The following SPTBN2 variants were observed in gnomAD, a reference collection of about 807,000 sequenced individuals.
SPTBN2 encodes spectrin beta, non-erythrocytic 2.
In SPTBN2, 107 loss-of-function variants were observed where a neutral mutation model predicts 284.2. That is an observed-to-expected ratio of 0.38 (90% CI 0.32 to 0.44). SPTBN2 has a LOEUF of 0.44. Among genes scored for constraint, SPTBN2 ranks in the 20% least tolerant of loss-of-function variants. The pLI is 1.00. For missense variants in SPTBN2, 2,569 were observed against 3,287.1 expected (o/e 0.78, Z 5.34); for synonymous variants, 1,289 against 1,354.8 (o/e 0.95, Z 1.07).
rs1941173413 is a variant in SPTBN2 at position 66,700,437 on chromosome 11, T to A, written c.3573+89A>T. The stretch of plus-strand genomic sequence containing the variant: ...ACTGCGCTGCCCCATTTTGCTAGCA[T>A]GTCCTTCCTGCCCATCCTGCTCCTT... On this transcript the variant is annotated intron_variant, in intron 17 of 37. Coordinates refer to ENST00000533211, the MANE Select transcript of SPTBN2 (RefSeq NM_006946.4). The surrounding 1 kb of genome is among the most constrained non-coding windows in gnomAD (Gnocchi z 6.6). The A allele has an allele frequency of 6.3e-7, 1 of 1,576,236 alleles. No homozygotes were observed. Among genetic ancestry groups the A allele is most frequent in the Non-Finnish European group, 8.6e-7 (1 of 1,162,390 alleles).
chr11:66,742,652 C>T (rs892862132), intron 1 of SPTBN2, among the ~76,000 whole-genome samples: 6 of 151,900 alleles, frequency 3.9e-5, no homozygotes, highest in Admixed American at 6.6e-5. Context: ...CTCTGTCAGC[C>T]GGGCTAGAGT....
Position 66,708,037 on chromosome 11 carries a change from G to A in SPTBN2, c.1350+104C>T, listed in dbSNP as rs552219690. On this transcript the variant is annotated intron_variant, in intron 12 of 37. Coordinates refer to ENST00000533211, the MANE Select transcript of SPTBN2 (RefSeq NM_006946.4). The surrounding 1 kb of genome is among the most constrained non-coding windows in gnomAD (Gnocchi z 4.4). ...CTCTAGGCCTTTTTACCCAGGTGAC[G>A]GATTTTGTGTTTCATTGTCTCTCCA... 42 of 1,569,538 alleles carry A rather than the reference G, an allele frequency of 2.7e-5. No individual in the cohort carries two copies. The highest frequency in any genetic ancestry group is 1.7e-4 in the Middle Eastern group (1 of 5,964).
At chr11:66,692,038 G>C (rs1293326660) in intron 26 of SPTBN2, among the ~76,000 whole-genome samples, 1 of 152,134 alleles carries the variant, frequency 6.6e-6, no homozygotes, top group Non-Finnish European at 1.5e-5. Context: ...GTTTGCCCTT[G>C]TCTCAGCTCA....
rs748397719 is a variant in SPTBN2 at position 66,711,053 on chromosome 11, C to T, written c.773-24G>A. The stretch of plus-strand genomic sequence containing the variant: ...GTCTGCAAGAGAGGACCATTTGGGT[C>T]AGGCCTCCCAGAAGTTCATCCATAA... On this transcript the variant is annotated intron_variant, in intron 8 of 37. Transcript: ENST00000533211. 7 of 1,598,080 alleles carry T rather than the reference C, an allele frequency of 4.4e-6. No homozygotes were observed. In the East Asian group the frequency reaches 1.6e-4, roughly 36 times the overall value.
Position 66,705,037 on chromosome 11 carries a change from C to A in SPTBN2, c.2239G>T (p.Ala747Ser), listed in dbSNP as rs745543088. The A allele has an allele frequency of 4.4e-6, 7 of 1,599,798 alleles. No homozygotes were observed. The East Asian group carries it at 1.3e-4, about 31-fold the overall frequency. Reference sequence around the variant, plus strand: ...TCGGCCTGGAACTGGTAGAGGCTGGCGGCTTGGGCCAGCCGCTGGGCACGC... The same window carrying A: ...TCGGCCTGGAACTGGTAGAGGCTGGAGGCTTGGGCCAGCCGCTGGGCACGC... ...EERAQRLAQA[A>S]SLYQFQADAN... is the part of the protein sequence containing the mutation. The change falls in exon 15 of 38, where the codon GCC becomes TCC. Residue 747 changes from alanine to serine, a missense_variant. Coordinates refer to ENST00000533211, the MANE Select transcript of SPTBN2 (RefSeq NM_006946.4).
intron 15 of SPTBN2, among the ~76,000 whole-genome samples, chr11:66,702,948 A>AC (rs1192262019): frequency 6.6e-6 from 1 of 151,200 alleles, no homozygotes; most frequent in African/African-American, 2.4e-5. Flanking sequence ...AAAAAAAAAA[A>AC]AAAAAAAAAA....
intron 1 of SPTBN2, among the ~76,000 whole-genome samples, chr11:66,726,923 G>C (rs1164157070): frequency 6.6e-6 from 1 of 152,168 alleles, no homozygotes; most frequent in Non-Finnish European, 1.5e-5. Context: ...ATGGGCCCAG[G>C]GCAGAAGGAA....
At chr11:66,735,313 A>C (rs192829276) in intron 1 of SPTBN2, among the ~76,000 whole-genome samples, 1 of 151,840 alleles carries the variant, frequency 6.6e-6, no homozygotes, top group East Asian at 1.9e-4. Context: ...ATCCTGGGTG[A>C]CAGAGCAAGA....
rs1038084337 is a variant in SPTBN2 at position 66,688,262 on chromosome 11, C to T, written c.6281G>A (p.Arg2094Gln). Reference sequence around the variant, plus strand: ...TTCGGGAGCAGGCGGCTGTTTCCGCCGCTCCTCCTCCTCCCTCTTTCTCTT... The same window carrying T: ...TTCGGGAGCAGGCGGCTGTTTCCGCTGCTCCTCCTCCTCCCTCTTTCTCTT... ...ERKRKREEEE[R>Q]RKQPPAPEPT... Residue 2094 changes from arginine to glutamine, a missense_variant, in exon 32 of 38, where the codon CGG (arginine) becomes CAG (glutamine). Physicochemically the swap from Arg to Gln is conservative, Grantham distance 43. This residue lies in a region of SPTBN2 where 1,130 missense variants were observed against 1,317.3 expected (regional missense o/e 0.86). Transcript: ENST00000533211. The T allele has an allele frequency of 9.3e-6, 15 of 1,612,622 alleles. No homozygotes were observed. Among genetic ancestry groups the T allele is most frequent in the African/African-American group, 1.3e-5 (1 of 74,914 alleles).
rs775098613 is a variant in SPTBN2 at position 66,691,453 on chromosome 11, G to A, written c.5396C>T (p.Ala1799Val). The part of the protein sequence containing the change: ...LLDTRGQVLA[A>V]AYELQRFLHG... Reference sequence around the variant, plus strand: ...CAGGAAGCGCTGCAGCTCGTACGCCGCGGCCAGCACCTGACCCCGTGTGTC... The same window carrying A: ...CAGGAAGCGCTGCAGCTCGTACGCCACGGCCAGCACCTGACCCCGTGTGTC... The change falls in exon 27 of 38, where the codon GCG becomes GTG. Residue 1799 changes from alanine to valine, a missense_variant. Physicochemically the swap from Ala to Val is moderately conservative, Grantham distance 64 (BLOSUM62 0). Around this residue, in one of 6 missense-constraint regions of SPTBN2, gnomAD observed 1,130 missense variants for 1,317.3 expected, o/e 0.86. Coordinates refer to ENST00000533211, the MANE Select transcript of SPTBN2 (RefSeq NM_006946.4). The surrounding 1 kb of genome is among the most constrained non-coding windows in gnomAD (Gnocchi z 8.0). 4.3e-6 allele frequency: 7 copies of A among 1,611,544 alleles called. No homozygotes were observed. Among genetic ancestry groups the A allele is most frequent in the Middle Eastern group, 1.6e-4 (1 of 6,084 alleles).
chr11:66,693,572 G>A lies in SPTBN2; in HGVS notation c.4594-126C>T. The stretch of plus-strand genomic sequence containing the variant: ...CCTCTGCTCCCTCTCCTAGCCTGGG[G>A]GTGCGATGGTAACACCCGTCAGCCG... On this transcript the variant is annotated intron_variant, in intron 23 of 37. Transcript: ENST00000533211. This position sits in a 1 kb window ranked among gnomAD's most constrained non-coding sequence, Gnocchi z 5.7. 1 of 1,475,478 alleles carries A rather than the reference G, an allele frequency of 6.8e-7. No individual in the cohort carries two copies. Among genetic ancestry groups the A allele is most frequent in the Non-Finnish European group, 9.1e-7 (1 of 1,094,536 alleles). 91.4% of individuals were successfully genotyped at this position (1,475,478 alleles called of 1,614,324 possible). A position where few individuals can be genotyped will look rare whatever the true frequency, so the allele number is the denominator to read the frequency against.
At position 66,685,949 on chromosome 11, in the gene SPTBN2, C is replaced by A; in HGVS notation, c.7095G>T (p.Gly2365=). 1.2e-6 allele frequency: 2 copies of A among 1,613,892 alleles called. No individual in the cohort carries two copies. The highest frequency in any genetic ancestry group is 1.7e-6 in the Non-Finnish European group (2 of 1,180,032). Residue 2365 remains glycine (G), a synonymous_variant, in exon 38 of 38, where the codon GGG becomes GGT. Coordinates refer to ENST00000533211, the MANE Select transcript of SPTBN2 (RefSeq NM_006946.4). The surrounding 1 kb of genome is among the most constrained non-coding windows in gnomAD (Gnocchi z 4.4). ...MPPVSPVGAE[G]PVVLRSKDGR... is the part of the protein sequence containing the mutation. ...CGTCTTTGCTGCGGAGCACAACAGG[C>A]CCCTCAGCCCCGACGGGTGACACTG... is the stretch of plus-strand genomic sequence containing the variant.
rs1003931976 is a variant in SPTBN2 at position 66,687,744 on chromosome 11, C to T, written c.6502-97G>A. 4.4e-6 allele frequency: 7 copies of T among 1,585,462 alleles called. No homozygotes were observed. The highest frequency in any genetic ancestry group is 2.2e-5 in the East Asian group (1 of 44,572). The stretch of plus-strand genomic sequence containing the variant: ...TGTCCAGGAGTTGGTCTTCCTGCCC[C>T]CAAGCTGCCTGTGAGCCTCTGCCCT... On this transcript the variant is annotated intron_variant, in intron 34 of 37. Coordinates refer to ENST00000533211, the MANE Select transcript of SPTBN2 (RefSeq NM_006946.4). The surrounding 1 kb of genome is among the most constrained non-coding windows in gnomAD (Gnocchi z 5.2).
At chr11:66,712,096 G>A (rs1941894363) in intron 8 of SPTBN2, among the ~76,000 whole-genome samples, 1 of 152,188 alleles carries the variant, frequency 6.6e-6, no homozygotes, top group Non-Finnish European at 1.5e-5. Context: ...CTGCCTGAAC[G>A]CCAATCTCAG....
rs1940531559 is a variant in SPTBN2, at chr11:66,691,348, G to A, written c.5501C>T (p.Ala1834Val). ...LPDGTGRDLNAAEALQRRHCA... is the reference protein window; with the variant it reads ...LPDGTGRDLNVAEALQRRHCA... ...GTGTCGGCGCTGCAGGGCCTCGGCA[G>A]CGTTGAGGTCGCGGCCAGTCCCGTC... The change falls in exon 27 of 38, where the codon GCT becomes GTT. Residue 1834 changes from alanine (A) to valine (V), a missense_variant. Transcript: ENST00000533211. The surrounding 1 kb of genome is among the most constrained non-coding windows in gnomAD (Gnocchi z 8.0). The A allele has an allele frequency of 1.3e-6, 2 of 1,572,548 alleles. No homozygotes were observed. The highest frequency in any genetic ancestry group is 1.7e-6 in the Non-Finnish European group (2 of 1,155,400).
rs182019080 is a variant in SPTBN2, at chr11:66,708,510, A to G, written c.1192-211T>C. Among the ~76,000 whole-genome samples the G allele has an allele frequency of 2.6e-4, 39 of 152,346 alleles. No homozygotes were observed. The highest frequency in any genetic ancestry group is 5.8e-4 in the East Asian group (3 of 5,186). On this transcript the variant is annotated intron_variant, in intron 11 of 37. Coordinates refer to ENST00000533211, the MANE Select transcript of SPTBN2 (RefSeq NM_006946.4). The surrounding 1 kb of genome is among the most constrained non-coding windows in gnomAD (Gnocchi z 4.4). ...CTGGAAAAGGACTGGAGGGAGCACG[A>G]ACAGTGGAAACCATCTGATTCCTTT...
At chr11:66,706,304 C>G (rs938653193) in intron 13 of SPTBN2, among the ~76,000 whole-genome samples, 2 of 152,192 alleles carry the variant, frequency 1.3e-5, no homozygotes, top group Admixed American at 1.3e-4. Flanking sequence ...CAAATCTCTC[C>G]CCCTCTCAAA....
At chr11:66,705,864 G>A (rs760057130) in intron 13 of SPTBN2, 27 bp from the exon 14 acceptor site, 2 of 1,610,252 alleles carry the variant, frequency 1.2e-6, no homozygotes, top group East Asian at 2.2e-5. Context: ...AAGTGCACAT[G>A]CCCGCCTGAG....
intron 8 of SPTBN2, among the ~76,000 whole-genome samples, 159 bp from the exon 9 acceptor site, chr11:66,711,188 C>A (rs1941841238): frequency 6.6e-6 from 1 of 152,108 alleles, no homozygotes; most frequent in Non-Finnish European, 1.5e-5. Context: ...GAAAAGGGCA[C>A]CAAAAAGCTC....
Sources: gnomAD v4.1 joint callset for allele counts (sites outside exome capture counted in the v4.1 genomes callset) on GRCh38, gnomAD v4.1.1 for gene constraint, gnomAD v4.1.1 regional missense constraint, Gnocchi (gnomAD v3.1) non-coding constraint, MANE v1.5 for transcripts, NCBI Gene and HGNC (gene_info 2026-07-23, HGNC 2026-07-21) for gene names.